The following ASB3 variants were observed in gnomAD, a reference collection of about 807,000 sequenced individuals.
The protein encoded by ASB3 is ankyrin repeat and SOCS box containing 3.
A neutral mutation model predicts 54.5 loss-of-function variants in ASB3; 41 were observed. The ratio of observed to expected loss-of-function variants is 0.75; its 90% CI spans 0.59 to 0.98. ASB3 has a LOEUF of 0.98. Among genes scored for constraint, ASB3 ranks in the 50% least tolerant of loss-of-function variants. The pLI is 0.00. For missense variants in ASB3, 733 were observed against 620.0 expected (o/e 1.18, Z -1.94); for synonymous variants, 266 against 221.2 (o/e 1.20, Z -1.80).
chr2:53,716,597 T>C lies in ASB3; in HGVS notation c.751A>G (p.Ile251Val), dbSNP rs776665710. ...TGGCCCATTTGTGCAGCTGCATGAA[T>C]AGGTAACTGCCAACTGTCCTCATTA... ...YCNEDSWQLP[I>V]HAAAQMGHTK... is the part of the protein sequence containing the mutation. The change falls in exon 6 of 10, where the codon ATT becomes GTT. Residue 251 changes from isoleucine to valine, a missense_variant. Coordinates refer to ENST00000263634, the MANE Select transcript of ASB3 (RefSeq NM_016115.5). 12 of 1,613,692 alleles carry C rather than the reference T, an allele frequency of 7.4e-6. No homozygotes were observed. Among genetic ancestry groups the C allele is most frequent in the Middle Eastern group, 3.3e-4 (2 of 6,080 alleles).
At position 53,724,883 on chromosome 2, in the gene ASB3, T is replaced by C. The variant is rs553031136; in HGVS notation, c.604+3829A>G. Reference sequence around the variant, plus strand: ...CAGTGGAAAGCAGTTTGGAAATTTCTCAAAGAACTTAAAACTACCATTCAA... The same window carrying C: ...CAGTGGAAAGCAGTTTGGAAATTTCCCAAAGAACTTAAAACTACCATTCAA... On this transcript the variant is annotated intron_variant, in intron 5 of 9. Transcript: ENST00000263634. Among the ~76,000 whole-genome samples, 5 of 152,240 alleles carry C rather than the reference T, an allele frequency of 3.3e-5. No individual in the cohort carries two copies. In the South Asian group the frequency reaches 1.0e-3, roughly 32 times the overall value.
intron 6 of ASB3, among the ~76,000 whole-genome samples, chr2:53,714,921 G>T (rs753339702): frequency 8.6e-5 from 13 of 151,998 alleles, no homozygotes; most frequent in Admixed American, 2.6e-4. Flanking sequence ...ATATTTTAGG[G>T]TTTAATAAAT....
chr2:53,765,631 A>G, intron 1 of ASB3, 46 bp from the exon 2 acceptor site: 2 of 1,609,190 alleles, frequency 1.2e-6, no homozygotes, highest in Middle Eastern at 1.7e-4. Flanking sequence ...ATAAAACAAC[A>G]CTTCACTCCT....
At chr2:53,765,965 A>C in intron 1 of ASB3, among the ~76,000 whole-genome samples, 1 of 151,932 alleles carries the variant, frequency 6.6e-6, no homozygotes, top group East Asian at 1.9e-4. Context: ...ACCTCTGCTT[A>C]ATCCCCAGTG....
intron 9 of ASB3, among the ~76,000 whole-genome samples, chr2:53,680,079 T>C (rs764783032): frequency 1.3e-5 from 2 of 152,174 alleles, no homozygotes; most frequent in Non-Finnish European, 2.9e-5. Context: ...GATTTCATTC[T>C]TTTTTTATGG....
At chr2:53,711,297 T>C (rs1376373815) in intron 7 of ASB3, among the ~76,000 whole-genome samples, 2 of 152,240 alleles carry the variant, frequency 1.3e-5, no homozygotes, top group Non-Finnish European at 2.9e-5. Context: ...TCCATTTACC[T>C]GATTCCTCTG....
At chr2:53,730,680 T>C (rs1320310311) in intron 3 of ASB3, among the ~76,000 whole-genome samples, 1 of 152,220 alleles carries the variant, frequency 6.6e-6, no homozygotes, top group Admixed American at 6.5e-5. Context: ...TACATGTTCC[T>C]TTTTCTCCTC....
At chr2:53,763,946 T>C (rs1673293299) in intron 2 of ASB3, among the ~76,000 whole-genome samples, 1 of 152,190 alleles carries the variant, frequency 6.6e-6, no homozygotes, top group Non-Finnish European at 1.5e-5. Context: ...CATGTGATTT[T>C]AAAAACAATC....
At chr2:53,714,234 A>T (rs1393115905) in intron 7 of ASB3, 150 bp downstream of exon 7, 1 of 958,196 alleles carries the variant, frequency 1.0e-6, no homozygotes, top group African/African-American at 1.7e-5. Context: ...GCTTGACTGA[A>T]ACATCATAGT....
intron 3 of ASB3, among the ~76,000 whole-genome samples, chr2:53,733,514 T>C (rs1442353023): frequency 6.6e-6 from 1 of 151,864 alleles, no homozygotes; most frequent in African/African-American, 2.4e-5. Context: ...CTATTTCGGC[T>C]CACAGCAACC....
chr2:53,706,997 C>T (rs531412213), intron 7 of ASB3, among the ~76,000 whole-genome samples: 1 of 152,284 alleles, frequency 6.6e-6, no homozygotes, highest in South Asian at 2.1e-4. Flanking sequence ...TAACCTGTTG[C>T]TGTTTACCCT....
intron 3 of ASB3, among the ~76,000 whole-genome samples, chr2:53,749,983 C>T (rs1331982763): frequency 6.6e-6 from 1 of 152,046 alleles, no homozygotes; most frequent in Non-Finnish European, 1.5e-5. Context: ...AGTACTTTCA[C>T]AGACAACTCA....
At chr2:53,755,705 T>C (rs1672775413) in intron 2 of ASB3, among the ~76,000 whole-genome samples, 1 of 152,218 alleles carries the variant, frequency 6.6e-6, no homozygotes. Context: ...GACTTCATAA[T>C]GCACACAAGA....
intron 9 of ASB3, among the ~76,000 whole-genome samples, chr2:53,692,848 CAG>C (rs1668988799): frequency 6.6e-6 from 1 of 152,138 alleles, no homozygotes; most frequent in Non-Finnish European, 1.5e-5. Flanking sequence ...AAGAGTTACA[CAG>C]AGTGAGTTTT....
intron 1 of ASB3, 115 bp from the exon 2 acceptor site, chr2:53,765,700 G>A: frequency 1.6e-6 from 2 of 1,224,582 alleles, no homozygotes; most frequent in Non-Finnish European, 1.1e-6. Context: ...GACGAAGAAG[G>A]GCCCACAATA....
chr2:53,725,824 A>T (rs1332206852), intron 5 of ASB3, among the ~76,000 whole-genome samples: 1 of 152,208 alleles, frequency 6.6e-6, no homozygotes, highest in Non-Finnish European at 1.5e-5. Context: ...CTCATGATAG[A>T]AACTAGAAAC....
chr2:53,670,744 G>C, intron 9 of ASB3, 54 bp from the exon 10 acceptor site: 1 of 1,541,088 alleles, frequency 6.5e-7, no homozygotes, highest in African/African-American at 1.4e-5. Flanking sequence ...AGATGTAATA[G>C]CACATAAAGG....
Position 53,691,973 on chromosome 2 carries a change from C to G in ASB3, c.1369+1911G>C, listed in dbSNP as rs142635875. On this transcript the variant is annotated intron_variant, in intron 9 of 9. Transcript: ENST00000263634. ...GGACAACACAAGAGTCACTGTGGAT[C>G]CAGATTTCTCAACCTCGGCGCTACT... Among the ~76,000 whole-genome samples, 4 of 152,264 alleles carry G rather than the reference C, an allele frequency of 2.6e-5. No homozygotes were observed. In the East Asian group the frequency reaches 7.7e-4, roughly 29 times the overall value.
At chr2:53,738,171 T>C (rs972730202) in intron 3 of ASB3, among the ~76,000 whole-genome samples, 2 of 152,192 alleles carry the variant, frequency 1.3e-5, no homozygotes, top group Admixed American at 6.5e-5. Context: ...TGGAGGATAA[T>C]GAGAAAAATT....
Sources: gnomAD v4.1 joint callset for allele counts (sites outside exome capture counted in the v4.1 genomes callset) on GRCh38, gnomAD v4.1.1 for gene constraint, MANE v1.5 for transcripts, NCBI Gene and HGNC (gene_info 2026-07-23, HGNC 2026-07-21) for gene names.